The following CHM variants were observed in gnomAD, a reference collection of about 807,000 sequenced individuals.
The protein encoded by CHM is CHM Rab escort protein.
In CHM, 10 loss-of-function variants were observed where a neutral mutation model predicts 49.0. That is an observed-to-expected ratio of 0.20 (90% CI 0.13 to 0.35). The LOEUF (loss-of-function observed/expected upper bound fraction) is 0.35. Ranked by LOEUF, CHM falls within the 10% of genes least tolerant of loss-of-function variation. The pLI is 1.00. For missense variants in CHM, 455 were observed against 478.4 expected (o/e 0.95, Z 0.46); for synonymous variants, 184 against 167.5 (o/e 1.10, Z -0.76).
At chrX:86,022,830 T>C (rs1347951152) in intron 2 of CHM, among the ~76,000 whole-genome samples, 1 of 110,975 alleles carries the variant, frequency 9.0e-6, no homozygotes, top group Non-Finnish European at 1.9e-5. Context: ...GAACACATTA[T>C]CTTCCCTTCC....
Position 85,981,820 on chromosome X carries a change from T to TAAAAAAAA in CHM, c.117-19_117-12dup, listed in dbSNP as rs372213887. The TAAAAAAAA allele has an allele frequency of 3.2e-6, 3 of 949,876 alleles. No individual in the cohort carries two copies. 78.3% of individuals were successfully genotyped at this position (949,876 alleles called of 1,213,427 possible). A position where few individuals can be genotyped will look rare whatever the true frequency, so the allele number is the denominator to read the frequency against. On this transcript the variant is annotated splice_polypyrimidine_tract_variant and intron_variant, in intron 2 of 14. Coordinates refer to ENST00000357749, the MANE Select transcript of CHM (RefSeq NM_000390.4). ...CCATAGTAGCTTCTTCTGTAACAATTAAAAAAAAAAAAAAAAGTAAAGAAA... is the reference window on the plus strand; with the variant it reads ...CCATAGTAGCTTCTTCTGTAACAATTAAAAAAAAAAAAAAAAAAAAAAAAGTAAAGAAA...
chrX:86,025,901 T>C (rs888822595), intron 2 of CHM, among the ~76,000 whole-genome samples: 3 of 110,365 alleles, frequency 2.7e-5, no homozygotes, highest in African/African-American at 9.8e-5. Flanking sequence ...TTACATAACA[T>C]GTGTAAAGAA....
chrX:86,035,733 G>A (rs746069383), intron 1 of CHM, among the ~76,000 whole-genome samples: 5 of 109,716 alleles, frequency 4.6e-5, no homozygotes, highest in African/African-American at 1.7e-4. Context: ...AAATAACAGG[G>A]TTGGATGGTG....
intron 2 of CHM, among the ~76,000 whole-genome samples, chrX:85,985,961 G>C (rs775598143): frequency 1.3e-4 from 14 of 111,501 alleles, no homozygotes; most frequent in Non-Finnish European, 2.3e-4. Flanking sequence ...CCTGGACAGA[G>C]CCCCCAGGAG....
Position 85,990,169 on chromosome X carries a change from C to T in CHM, c.117-8360G>A, listed in dbSNP as rs7892774. 2.0e-3 allele frequency among the ~76,000 whole-genome samples: 222 copies of T among 111,968 alleles called. 1 individual carries two copies. The highest frequency in any genetic ancestry group is 6.9e-3 in the African/African-American group (212 of 30,898). The stretch of plus-strand genomic sequence containing the variant: ...AATACTATGCAGCCATAAAAAAGAA[C>T]AAGATTGTGTCTTTTGTGGGAACAC... On this transcript the variant is annotated intron_variant, in intron 2 of 14. Coordinates refer to ENST00000357749, the MANE Select transcript of CHM (RefSeq NM_000390.4).
At chrX:86,042,430 G>C (rs1222453886) in intron 1 of CHM, among the ~76,000 whole-genome samples, 5 of 110,448 alleles carry the variant, frequency 4.5e-5, no homozygotes, top group African/African-American at 1.7e-4. Flanking sequence ...AGGCCTGAGG[G>C]AGCTTTTAGT....
Position 85,919,983 on chromosome X carries a change from T to G in CHM, c.1167-8645A>C, listed in dbSNP as rs189307455. Among the ~76,000 whole-genome samples the G allele has an allele frequency of 8.1e-4, 91 of 112,189 alleles. 1 individual carries two copies. Among genetic ancestry groups the G allele is most frequent in the Non-Finnish European group, 1.4e-3 (74 of 53,222 alleles). On this transcript the variant is annotated intron_variant, in intron 8 of 14. Coordinates refer to ENST00000357749, the MANE Select transcript of CHM (RefSeq NM_000390.4). ...GATATAAAGACTCCTCTGTATGCTATTCTTATCAGTCATTCCGATAGTCTT... is the reference window on the plus strand; with the variant it reads ...GATATAAAGACTCCTCTGTATGCTAGTCTTATCAGTCATTCCGATAGTCTT...
At chrX:85,868,025 G>T in intron 14 of CHM, among the ~76,000 whole-genome samples, 1 of 109,527 alleles carries the variant, frequency 9.1e-6, no homozygotes, top group East Asian at 2.9e-4. Context: ...ACCACTGTGT[G>T]TGTGTGTGTG....
intron 2 of CHM, among the ~76,000 whole-genome samples, chrX:86,009,338 T>TACTATTATATTGAGTCATAC (rs1285864853): frequency 8.9e-6 from 1 of 112,372 alleles, no homozygotes; most frequent in Non-Finnish European, 1.9e-5. Flanking sequence ...ACCAGTCATA[T>TACTATTATATTGAGTCATAC]ACTATTATAT....
chrX:85,877,740 T>TA (rs374362991), intron 13 of CHM, among the ~76,000 whole-genome samples: 26,546 of 106,559 alleles, frequency 0.25, 2,850 homozygotes, highest in Admixed American at 0.36. Flanking sequence ...CCCATAAAAT[T>TA]AAAAAAAAAA....
At chrX:85,969,094 T>C (rs1449383367) in intron 4 of CHM, 3 of 678,611 alleles carry the variant, frequency 4.4e-6, no homozygotes, top group Admixed American at 8.9e-5. Flanking sequence ...GAATTTTAGA[T>C]TCCTATTGCA....
chrX:85,901,504 C>T (rs899383080), intron 9 of CHM, among the ~76,000 whole-genome samples: 1 of 110,682 alleles, frequency 9.0e-6, no homozygotes, highest in African/African-American at 3.3e-5. Context: ...TATTTAGGAA[C>T]ATAAAAGCAT....
At chrX:85,985,078 C>T (rs1451218484) in intron 2 of CHM, among the ~76,000 whole-genome samples, 1 of 111,884 alleles carries the variant, frequency 8.9e-6, no homozygotes, top group East Asian at 2.8e-4. Flanking sequence ...ACTTCCATGG[C>T]ACCTCACAGG....
At chrX:85,878,879 G>C in intron 13 of CHM, 86 bp downstream of exon 13, 1 of 660,916 alleles carries the variant, frequency 1.5e-6, no homozygotes, top group Non-Finnish European at 2.4e-6. Flanking sequence ...TTTCAGTTCA[G>C]GTTGCAGAAA....
At chrX:85,879,552 T>A (rs1379793722) in intron 12 of CHM, among the ~76,000 whole-genome samples, 1 of 111,924 alleles carries the variant, frequency 8.9e-6, no homozygotes, top group African/African-American at 3.2e-5. Context: ...AAACAGTCTA[T>A]AATATTTTCA....
At chrX:85,903,674 T>C in intron 9 of CHM, 1 of 385,455 alleles carries the variant, frequency 2.6e-6, no homozygotes, top group Non-Finnish European at 5.2e-6. Flanking sequence ...CTTTTTGAAA[T>C]TATAAAGTAC....
At chrX:86,031,611 T>G (rs976531364) in intron 1 of CHM, among the ~76,000 whole-genome samples, 2 of 112,519 alleles carry the variant, frequency 1.8e-5, no homozygotes, top group Non-Finnish European at 3.8e-5. Flanking sequence ...GAGGCCGAGG[T>G]GGGCAGATCA....
intron 9 of CHM, among the ~76,000 whole-genome samples, chrX:85,907,350 C>T (rs918024628): frequency 7.2e-5 from 8 of 111,282 alleles, no homozygotes; most frequent in African/African-American, 2.6e-4. Flanking sequence ...TCATCTCTAC[C>T]CTACCAATAT....
intron 14 of CHM, among the ~76,000 whole-genome samples, chrX:85,869,909 G>A (rs1163549891): frequency 8.9e-6 from 1 of 112,143 alleles, no homozygotes; most frequent in African/African-American, 3.2e-5. Flanking sequence ...AGAACAAAGT[G>A]AATTATTTAA....
Sources: allele counts gnomAD v4.1 joint callset (sites outside exome capture counted in the v4.1 genomes callset), GRCh38; gene constraint gnomAD v4.1.1; transcripts MANE v1.5; gene names NCBI Gene and HGNC (gene_info 2026-07-23, HGNC 2026-07-21).